PPP6R3: variants seen among roughly 807,000 people sequenced by gnomAD.
PPP6R3 encodes serine/threonine-protein phosphatase 6 regulatory subunit 3.
In PPP6R3, 38 loss-of-function variants were observed where a neutral mutation model predicts 110.7. That is an observed-to-expected ratio of 0.34 (90% CI 0.26 to 0.45). The LOEUF (loss-of-function observed/expected upper bound fraction) is 0.45. Among genes scored for constraint, PPP6R3 ranks in the 20% least tolerant of loss-of-function variants. The pLI is 1.00. For missense variants in PPP6R3, 870 were observed against 1,062.4 expected (o/e 0.82, Z 2.52); for synonymous variants, 369 against 373.5 (o/e 0.99, Z 0.14).
At chr11:68,483,508 A>C (rs1245563127) in intron 1 of PPP6R3, among the ~76,000 whole-genome samples, 1 of 152,192 alleles carries the variant, frequency 6.6e-6, no homozygotes, top group Non-Finnish European at 1.5e-5. Context: ...TTGGTGTTAC[A>C]CATTCTATAA....
intron 18 of PPP6R3, among the ~76,000 whole-genome samples, chr11:68,593,129 T>C (rs926643519): frequency 6.6e-6 from 1 of 152,222 alleles, no homozygotes; most frequent in Non-Finnish European, 1.5e-5. Flanking sequence ...CCAATCAACA[T>C]CATGAATTTA....
chr11:68,505,766 TG>T, intron 1 of PPP6R3, among the ~76,000 whole-genome samples: 2 of 152,328 alleles, frequency 1.3e-5, no homozygotes. Context: ...AGTAACTGTG[TG>T]TGGCTGTGGA....
Position 68,559,212 on chromosome 11 carries a change from C to T in PPP6R3, c.845+533C>T, listed in dbSNP as rs57609816. On this transcript the variant is annotated intron_variant, in intron 8 of 23. Transcript: ENST00000393800. ...GGGCAGGTGGCTTGAGCTTTGAGGA[C>T]AAATTTCTTCTACATGTTTTATAAT... Among the ~76,000 whole-genome samples, 490 of 152,340 alleles carry T rather than the reference C, an allele frequency of 3.2e-3. 10 individuals are homozygous for T. The highest frequency in any genetic ancestry group is 0.022 in the Admixed American group (343 of 15,302).
At chr11:68,528,747 A>G (rs1192296777) in intron 2 of PPP6R3, among the ~76,000 whole-genome samples, 1 of 152,176 alleles carries the variant, frequency 6.6e-6, no homozygotes, top group Non-Finnish European at 1.5e-5. Context: ...TCTTAGTGGC[A>G]TGCAGCTTTC....
intron 3 of PPP6R3, among the ~76,000 whole-genome samples, chr11:68,540,397 G>A (rs2099307679): frequency 1.3e-5 from 2 of 152,164 alleles, no homozygotes. Flanking sequence ...AGGGGAGGGA[G>A]TGTGCAAATA....
intron 3 of PPP6R3, among the ~76,000 whole-genome samples, chr11:68,538,919 A>G (rs2099290031): frequency 6.6e-6 from 1 of 152,214 alleles, no homozygotes; most frequent in South Asian, 2.1e-4. Flanking sequence ...CAGTAGTTCG[A>G]GACCAACCTG....
Position 68,583,082 on chromosome 11 carries a change from A to G in PPP6R3, c.1585A>G (p.Ile529Val). 1 of 1,547,718 alleles carries G rather than the reference A, an allele frequency of 6.5e-7. No individual in the cohort carries two copies. The highest frequency in any genetic ancestry group is 8.7e-7 in the Non-Finnish European group (1 of 1,144,134). The change falls in exon 15 of 24, where the codon ATT becomes GTT. Residue 529 changes from isoleucine (I) to valine (V), a missense_variant. Ile to Val is a conservative substitution (Grantham distance 29). Transcript: ENST00000393800. ...TATTCATTCATCCAGTGATGATGAA[A>G]TTGACTTTAAAGAAACGGGTTTCTC... ...CHIHSSSDDE[I>V]DFKETGFSQD...
At chr11:68,503,172 G>C (rs2099057011) in intron 1 of PPP6R3, among the ~76,000 whole-genome samples, 1 of 152,150 alleles carries the variant, frequency 6.6e-6, no homozygotes, top group South Asian at 2.1e-4. Flanking sequence ...TCAAACTCCT[G>C]ACCTCGTGAT....
chr11:68,489,488 C>T (rs557102175), intron 1 of PPP6R3, among the ~76,000 whole-genome samples: 18 of 151,970 alleles, frequency 1.2e-4, no homozygotes, highest in Non-Finnish European at 2.2e-4. Context: ...AGGTAGTGCA[C>T]ATACAGGTAT....
chr11:68,478,238 G>A (rs945426700), intron 1 of PPP6R3, among the ~76,000 whole-genome samples: 6 of 151,322 alleles, frequency 4.0e-5, no homozygotes, highest in East Asian at 2.0e-4. Flanking sequence ...GTGAGCTGCC[G>A]CGCCCGGCCC....
rs557146429 is a variant in PPP6R3, at chr11:68,485,453, C to T, written c.-158+24626C>T. 2.7e-4 allele frequency among the ~76,000 whole-genome samples: 41 copies of T among 152,126 alleles called. 1 individual carries two copies. The highest frequency in any genetic ancestry group is 1.5e-3 in the Admixed American group (23 of 15,288). On this transcript the variant is annotated intron_variant, in intron 1 of 23. Coordinates refer to ENST00000393800, the MANE Select transcript of PPP6R3 (RefSeq NM_001164161.2). ...GATGATGAGAGGGAACATCTTTGCCCGCTTCCTGATCTTAGTGGGAAAGCT... is the reference window on the plus strand; with the variant it reads ...GATGATGAGAGGGAACATCTTTGCCTGCTTCCTGATCTTAGTGGGAAAGCT...
chr11:68,570,188 A>G (rs2099497713), intron 11 of PPP6R3, among the ~76,000 whole-genome samples: 1 of 152,258 alleles, frequency 6.6e-6, no homozygotes, highest in Non-Finnish European at 1.5e-5. Flanking sequence ...TTGAAGAATC[A>G]TAGAAATTTA....
chr11:68,610,070 G>A, intron 23 of PPP6R3, 47 bp downstream of exon 23: 1 of 1,600,412 alleles, frequency 6.2e-7, no homozygotes, highest in Non-Finnish European at 8.5e-7. Flanking sequence ...CCCTGACCTT[G>A]CCTGTTGCTT....
chr11:68,588,584 A>G (rs1593684530), intron 16 of PPP6R3, among the ~76,000 whole-genome samples: 1 of 151,828 alleles, frequency 6.6e-6, no homozygotes, highest in East Asian at 2.0e-4. Flanking sequence ...CAGCCTCCTT[A>G]GTAGCTGGGA....
chr11:68,475,654 G>C (rs1256991731), intron 1 of PPP6R3, among the ~76,000 whole-genome samples: 52 of 137,544 alleles, frequency 3.8e-4, no homozygotes, highest in African/African-American at 1.4e-3. Context: ...CCTCCCTCCC[G>C]GACGGGGCGG....
intron 1 of PPP6R3, among the ~76,000 whole-genome samples, chr11:68,506,830 T>C (rs1041704846): frequency 2.6e-5 from 4 of 152,172 alleles, no homozygotes; most frequent in African/African-American, 9.7e-5. Context: ...TTTACCTTTG[T>C]ACTATGGATT....
intron 18 of PPP6R3, among the ~76,000 whole-genome samples, chr11:68,593,859 A>G (rs1019842618): frequency 6.6e-6 from 1 of 152,126 alleles, no homozygotes; most frequent in Admixed American, 6.5e-5. Context: ...TCTCTACAAA[A>G]AATACAAAAA....
chr11:68,464,660 T>C (rs879696766), intron 1 of PPP6R3, among the ~76,000 whole-genome samples: 1 of 152,228 alleles, frequency 6.6e-6, no homozygotes, highest in Non-Finnish European at 1.5e-5. Flanking sequence ...GACTGAACTT[T>C]AGAAGCATTT....
chr11:68,557,446 C>T (rs2099403848), intron 7 of PPP6R3, among the ~76,000 whole-genome samples: 2 of 152,176 alleles, frequency 1.3e-5, no homozygotes, highest in African/African-American at 2.4e-5. Flanking sequence ...GTCAGGTGAG[C>T]AACCAAGGAC....
Sources: gnomAD v4.1 joint callset for allele counts (sites outside exome capture counted in the v4.1 genomes callset) on GRCh38, gnomAD v4.1.1 for gene constraint, MANE v1.5 for transcripts, NCBI Gene and HGNC (gene_info 2026-07-23, HGNC 2026-07-21) for gene names.